Variants in TMEM213 observed in about 807,000 individuals in gnomAD.
TMEM213 encodes transmembrane protein 213.
A neutral mutation model predicts 11.6 loss-of-function variants in TMEM213; 7 were observed. That is an observed-to-expected ratio of 0.60 (90% CI 0.34 to 1.13). The LOEUF (loss-of-function observed/expected upper bound fraction) is 1.13, where lower values mean the gene tolerates loss of function less well. Ranked by LOEUF, TMEM213 falls within the 50% of genes most tolerant of loss-of-function variation. The pLI is 0.03. For missense variants in TMEM213, 129 were observed against 139.0 expected, an observed-to-expected ratio of 0.93 and a Z score of 0.36; for synonymous variants, 60 against 58.3, an observed-to-expected ratio of 1.03 and a Z score of -0.13.
chr7:138,798,137 C>G lies in TMEM213; in HGVS notation c.33C>G (p.Thr11=). The change falls in exon 1 of 3, where the codon ACC becomes ACG. Residue 11 remains threonine, a synonymous_variant. Transcript: ENST00000442682. MQRLPAATRA[T]LILSLAFASL... ...GCCTCCCCGCTGCCACCCGGGCCACCCTGATCCTCAGCCTGGCCTTTGCCT... is the reference window on the plus strand; with the variant it reads ...GCCTCCCCGCTGCCACCCGGGCCACGCTGATCCTCAGCCTGGCCTTTGCCT... 1 of 1,602,198 alleles carries G rather than the reference C, an allele frequency of 6.2e-7. No individual in the cohort carries two copies. Among genetic ancestry groups the G allele is most frequent in the South Asian group, 1.1e-5 (1 of 88,510 alleles).
In TMEM213 at chr7:138,798,076, T is replaced by G; in HGVS notation, c.-29T>G. On this transcript the variant is annotated 5_prime_UTR_variant, in exon 1 of 3. Transcript: ENST00000442682. ...CACAACTCCGCAGGACCGGCTCACCTGCACCGGGCACTCAGCACAGCCTCC... is the reference window on the plus strand; with the variant it reads ...CACAACTCCGCAGGACCGGCTCACCGGCACCGGGCACTCAGCACAGCCTCC... The G allele has an allele frequency of 6.3e-7, 1 of 1,579,954 alleles. No homozygotes were observed. The highest frequency in any genetic ancestry group is 1.2e-5 in the South Asian group (1 of 86,230).
intron 1 of TMEM213, among the ~76,000 whole-genome samples, chr7:138,800,037 G>A (rs1049886268): frequency 4.6e-5 from 7 of 151,214 alleles, no homozygotes; most frequent in Admixed American, 1.3e-4. Context: ...GAAGCAGAAC[G>A]AACAGCAATA....
chr7:138,801,343 C>A lies in TMEM213; in HGVS notation c.99C>A (p.Asn33Lys). The change falls in exon 2 of 3, where the codon AAC (asparagine) becomes AAA (lysine). Residue 33 changes from asparagine to lysine, a missense_variant. Asn to Lys is a moderately conservative substitution (Grantham distance 94). Transcript: ENST00000442682. ...SACSAEASSSNSSSLTAHHPD... is the reference protein window; with the variant it reads ...SACSAEASSSKSSSLTAHHPD... ...TTCTTCCAGAAGCAAGCAGCAGCAACAGCTCAAGCTTGACCGCTCACCACC... is the reference window on the plus strand; with the variant it reads ...TTCTTCCAGAAGCAAGCAGCAGCAAAAGCTCAAGCTTGACCGCTCACCACC... 6.2e-7 allele frequency: 1 copy of A among 1,612,366 alleles called. No homozygotes were observed. The highest frequency in any genetic ancestry group is 1.1e-5 in the South Asian group (1 of 90,526).
intron 1 of TMEM213, among the ~76,000 whole-genome samples, chr7:138,798,954 CCTG>C (rs1426312948): frequency 6.6e-6 from 1 of 152,170 alleles, no homozygotes; most frequent in Non-Finnish European, 1.5e-5. Flanking sequence ...CCCCCAAAGT[CCTG>C]TGTCTGCCCC....
In TMEM213 at chr7:138,798,000, G is replaced by A. The variant is rs150879269; in HGVS notation, c.-105G>A. 1.6e-5 allele frequency: 25 copies of A among 1,548,072 alleles called. No homozygotes were observed. The highest frequency in any genetic ancestry group is 1.7e-4 in the Middle Eastern group (1 of 5,974). ...GCATAAGTTCACCTCTGGCAGAGTT[G>A]CTTTCCAGCTCCTGCAGGTGGGAGT... On this transcript the variant is annotated 5_prime_UTR_variant, in exon 1 of 3. Coordinates refer to ENST00000442682, the MANE Select transcript of TMEM213 (RefSeq NM_001085429.2).
intron 2 of TMEM213, 153 bp downstream of exon 2, chr7:138,801,551 T>G: frequency 1.4e-6 from 1 of 701,732 alleles, no homozygotes; most frequent in Non-Finnish European, 2.4e-6. Flanking sequence ...CAGAACTATT[T>G]GCAGAGCAGG....
chr7:138,798,045 A>C lies in TMEM213; in HGVS notation c.-60A>C. The C allele has an allele frequency of 1.9e-6, 3 of 1,557,376 alleles. No homozygotes were observed. The highest frequency in any genetic ancestry group is 1.9e-5 in the Admixed American group (1 of 51,384). ...GGGAGTCGACTCACCTGCAGCAGGCACTCGGCACAACTCCGCAGGACCGGC... is the reference window on the plus strand; with the variant it reads ...GGGAGTCGACTCACCTGCAGCAGGCCCTCGGCACAACTCCGCAGGACCGGC... On this transcript the variant is annotated 5_prime_UTR_variant, in exon 1 of 3. Transcript: ENST00000442682.
intron 2 of TMEM213, 118 bp from the exon 3 acceptor site, chr7:138,802,782 A>T: frequency 9.3e-7 from 1 of 1,070,124 alleles, no homozygotes; most frequent in Non-Finnish European, 1.3e-6. Context: ...CATGGCACGT[A>T]GTAGGCCTCA....
At chr7:138,801,478 G>A (rs1045354955) in intron 2 of TMEM213, 80 bp downstream of exon 2, 157 of 1,362,130 alleles carry the variant, frequency 1.2e-4, no homozygotes, top group Middle Eastern at 1.8e-4. Context: ...CCCGCTTTCC[G>A]TTGATTGGTG....
chr7:138,800,725 G>A (rs1359008492), intron 1 of TMEM213, among the ~76,000 whole-genome samples: 3 of 142,916 alleles, frequency 2.1e-5, no homozygotes, highest in Middle Eastern at 7.2e-3. Flanking sequence ...TTTTTTAGAC[G>A]GAGTTTCACT....
rs370506317 is a variant in TMEM213 at position 138,798,108 on chromosome 7, C to A, written c.4C>A (p.Gln2Lys). 1 of 1,597,198 alleles carries A rather than the reference C, an allele frequency of 6.3e-7. No individual in the cohort carries two copies. Among genetic ancestry groups the A allele is most frequent in the Non-Finnish European group, 8.5e-7 (1 of 1,172,554 alleles). The change falls in exon 1 of 3, where the codon CAG becomes AAG. Residue 2 changes from glutamine (Q) to lysine (K), a missense_variant. Gln to Lys is a moderately conservative substitution (Grantham distance 53, BLOSUM62 1). Coordinates refer to ENST00000442682, the MANE Select transcript of TMEM213 (RefSeq NM_001085429.2). MQRLPAATRATL... is the reference protein window; with the variant it reads MKRLPAATRATL... ...GGCACTCAGCACAGCCTCCAGCATG[C>A]AGCGCCTCCCCGCTGCCACCCGGGC...
rs922708929 is a variant in TMEM213 at position 138,805,149 on chromosome 7, G to C, written c.*2080G>C. Reference sequence around the variant, plus strand: ...GATGTTGAATCAGTGCAACGGGATGGATTTCTTGTTCCTAAGTGTTAAATG... The same window carrying C: ...GATGTTGAATCAGTGCAACGGGATGCATTTCTTGTTCCTAAGTGTTAAATG... On this transcript the variant is annotated 3_prime_UTR_variant, in exon 3 of 3. Transcript: ENST00000442682. 6.6e-6 allele frequency: 1 copy of C among 151,328 alleles called. No individual in the cohort carries two copies. The highest frequency in any genetic ancestry group is 2.4e-5 in the African/African-American group (1 of 41,072). 9.4% of individuals were successfully genotyped at this position (151,328 alleles called of 1,614,324 possible).
intron 2 of TMEM213, chr7:138,801,870 A>G (rs1380128586): frequency 6.2e-6 from 1 of 160,886 alleles, no homozygotes; most frequent in Non-Finnish European, 1.4e-5. Flanking sequence ...TCTAGCTAAT[A>G]GAAAGTTTTG....
Position 138,798,036 on chromosome 7 carries a change from G to A in TMEM213, c.-69G>A. On this transcript the variant is annotated 5_prime_UTR_variant, in exon 1 of 3. Transcript: ENST00000442682. ...CCTGCAGGTGGGAGTCGACTCACCT[G>A]CAGCAGGCACTCGGCACAACTCCGC... is the stretch of plus-strand genomic sequence containing the variant. 1 of 1,554,508 alleles carries A rather than the reference G, an allele frequency of 6.4e-7. No individual in the cohort carries two copies. Among genetic ancestry groups the A allele is most frequent in the Non-Finnish European group, 8.7e-7 (1 of 1,148,872 alleles).
chr7:138,798,191 C>T lies in TMEM213; in HGVS notation c.82+5C>T, dbSNP rs1417734001. The T allele has an allele frequency of 1.9e-6, 3 of 1,585,394 alleles. No homozygotes were observed. Among genetic ancestry groups the T allele is most frequent in the Non-Finnish European group, 2.6e-6 (3 of 1,166,554 alleles). ...TCCACTCGGCTTGCTCGGCAGGTAGCGTTATGAGCTTTATTCATGGCCAGG... is the reference window on the plus strand; with the variant it reads ...TCCACTCGGCTTGCTCGGCAGGTAGTGTTATGAGCTTTATTCATGGCCAGG... On this transcript the variant is annotated splice_donor_5th_base_variant and intron_variant, in intron 1 of 2. Transcript: ENST00000442682.
Position 138,805,339 on chromosome 7 carries a change from G to A in TMEM213, c.*2270G>A, listed in dbSNP as rs1809077999. 6.6e-6 allele frequency: 1 copy of A among 150,786 alleles called. No homozygotes were observed. The highest frequency in any genetic ancestry group is 2.1e-4 in the South Asian group (1 of 4,784). The allele number at this position is 150,786 out of a possible 1,614,324, so 9.3% of individuals were successfully genotyped here. A position where few individuals can be genotyped will look rare whatever the true frequency, so the allele number is the denominator to read the frequency against. On this transcript the variant is annotated 3_prime_UTR_variant, in exon 3 of 3. Transcript: ENST00000442682. ...GAGCTAGAGAGTTCAAAGCTGCAGT[G>A]AGCCATGTTTGTGCCACTGCACTCC...
rs371461710 is a variant in TMEM213, at chr7:138,803,100, G to A, written c.*31G>A. On this transcript the variant is annotated 3_prime_UTR_variant, in exon 3 of 3. Coordinates refer to ENST00000442682, the MANE Select transcript of TMEM213 (RefSeq NM_001085429.2). The stretch of plus-strand genomic sequence containing the variant: ...AGGCTCGGTGCACAAAATGGTGATC[G>A]CCACCAATTTGTGGCTAATGGGGAA... 1.5e-4 allele frequency: 234 copies of A among 1,603,872 alleles called. No individual in the cohort carries two copies. The highest frequency in any genetic ancestry group is 2.5e-4 in the East Asian group (11 of 44,600).
At chr7:138,799,004 GGGTGTT>G (rs1299199569) in intron 1 of TMEM213, among the ~76,000 whole-genome samples, 1 of 152,132 alleles carries the variant, frequency 6.6e-6, no homozygotes, top group Admixed American at 6.5e-5. Flanking sequence ...CCACTGCCAG[GGGTGTT>G]GGTGTTGAGG....
At chr7:138,799,317 C>T (rs1303145772) in intron 1 of TMEM213, 3 of 152,180 alleles carry the variant, frequency 2.0e-5, no homozygotes, top group African/African-American at 7.2e-5. Flanking sequence ...CTACTTACCC[C>T]GACAGTGCCT....
Sources: allele counts gnomAD v4.1 joint callset (sites outside exome capture counted in the v4.1 genomes callset), GRCh38; gene constraint gnomAD v4.1.1; transcripts MANE v1.5; gene names NCBI Gene and HGNC (gene_info 2026-07-23, HGNC 2026-07-21).